The following CEP112 variants were observed in gnomAD, a reference collection of about 807,000 sequenced individuals.
The protein encoded by CEP112 is centrosomal protein of 112 kDa.
CEP112 carries 127 observed loss-of-function variants against 153.0 expected under a neutral mutation model. The ratio of observed to expected loss-of-function variants is 0.83; its 90% CI spans 0.72 to 0.96. CEP112 has a LOEUF of 0.96. Among genes scored for constraint, CEP112 ranks in the 40% least tolerant of loss-of-function variants. CEP112 has a pLI of 0.00. For synonymous variants in CEP112, 358 were observed against 374.4 expected (o/e 0.96, Z 0.51); for missense variants, 1,089 against 1,101.2 (o/e 0.99, Z 0.16).
rs989293596 is a variant in CEP112 at position 66,066,775 on chromosome 17, C to T, written c.955+3G>A. On this transcript the variant is annotated splice_donor_region_variant and intron_variant, in intron 10 of 26. Coordinates refer to ENST00000535342, the MANE Select transcript of CEP112 (RefSeq NM_001199165.4). ...AAAGATGTATGTAACAACACAACAT[C>T]ACCTTTCTTTTCAAGCTTTCTAATA... The T allele has an allele frequency of 3.3e-6, 5 of 1,507,342 alleles. No homozygotes were observed. Among genetic ancestry groups the T allele is most frequent in the Non-Finnish European group, 4.4e-6 (5 of 1,124,670 alleles). The allele number at this position is 1,507,342 out of a possible 1,614,324, so 93.4% of individuals were successfully genotyped here.
chr17:66,160,733 A>G (rs571403604), intron 4 of CEP112, among the ~76,000 whole-genome samples: 43 of 152,270 alleles, frequency 2.8e-4, no homozygotes, highest in African/African-American at 1.0e-3. Context: ...AACCATAAAA[A>G]CCCTAGAAGA....
chr17:65,967,376 T>TA (rs1209189882), intron 17 of CEP112, among the ~76,000 whole-genome samples: 1 of 152,240 alleles, frequency 6.6e-6, no homozygotes, highest in Non-Finnish European at 1.5e-5. Context: ...ATCAACTTTG[T>TA]AGCCTTTATT....
chr17:66,030,053 C>A, intron 12 of CEP112, 30 bp from the exon 13 acceptor site: 2 of 1,597,236 alleles, frequency 1.3e-6, no homozygotes, highest in South Asian at 2.3e-5. Context: ...TTAAGAAAGT[C>A]TCTGACTCAG....
chr17:65,934,636 C>A (rs773838953), intron 18 of CEP112, among the ~76,000 whole-genome samples: 1 of 152,154 alleles, frequency 6.6e-6, no homozygotes, highest in Admixed American at 6.5e-5. Flanking sequence ...ATGTTTCCTA[C>A]AAGAGACTCA....
chr17:65,726,539 G>C (rs1224452350), intron 23 of CEP112, among the ~76,000 whole-genome samples: 2 of 152,100 alleles, frequency 1.3e-5, no homozygotes, highest in Non-Finnish European at 2.9e-5. Context: ...TGGCTGGCAA[G>C]GTGCTTGTGG....
At position 66,035,543 on chromosome 17, in the gene CEP112, T is replaced by C. The variant is rs192620620; in HGVS notation, c.1219-5520A>G. Reference sequence around the variant, plus strand: ...TTATGGAGAACAGTATGGAGGCACCTCAAAAATTTAAAAATAGAACTACCA... The same window carrying C: ...TTATGGAGAACAGTATGGAGGCACCCCAAAAATTTAAAAATAGAACTACCA... On this transcript the variant is annotated intron_variant, in intron 12 of 26. Transcript: ENST00000535342. 3.5e-4 allele frequency among the ~76,000 whole-genome samples: 53 copies of C among 152,246 alleles called. No individual in the cohort carries two copies. The East Asian group carries it at 9.8e-3, about 28-fold the overall frequency.
At chr17:65,817,073 C>A (rs2056310811) in intron 21 of CEP112, among the ~76,000 whole-genome samples, 1 of 151,746 alleles carries the variant, frequency 6.6e-6, no homozygotes, top group South Asian at 2.1e-4. Flanking sequence ...TGTTACATAC[C>A]TTTGTTTTTT....
Position 65,953,647 on chromosome 17 carries a change from G to A in CEP112, c.1872+7816C>T, listed in dbSNP as rs111296825. Among the ~76,000 whole-genome samples, 1,295 of 144,164 alleles carry A rather than the reference G, an allele frequency of 9.0e-3. 21 individuals are homozygous for A. Among genetic ancestry groups the A allele is most frequent in the African/African-American group, 0.031 (1,227 of 39,994 alleles). The allele number at this position is 144,164 out of a possible 152,430, so 94.6% of individuals were successfully genotyped here. On this transcript the variant is annotated intron_variant, in intron 18 of 26. Coordinates refer to ENST00000535342, the MANE Select transcript of CEP112 (RefSeq NM_001199165.4). ...GAGTCAGACAGGCCTTCAGGACTGA[G>A]GGCTGTGTGGGAGCAGGGTGAGGCC...
At position 66,029,163 on chromosome 17, in the gene CEP112, A is replaced by G. The variant is rs1422990382; in HGVS notation, c.1463T>C (p.Ile488Thr). The change falls in exon 14 of 27, where the codon ATA becomes ACA. Residue 488 changes from isoleucine (I) to threonine (T), a missense_variant. Transcript: ENST00000535342. ...AGCATGTTCTTGTTTTAGAAGGTTT[A>G]TATCAGCATCATATTTGGTTTGTAA... ...KLLQTKYDADINLLKQEHALS... is the reference protein window; with the variant it reads ...KLLQTKYDADTNLLKQEHALS... 1 of 1,608,538 alleles carries G rather than the reference A, an allele frequency of 6.2e-7. No individual in the cohort carries two copies. The highest frequency in any genetic ancestry group is 8.5e-7 in the Non-Finnish European group (1 of 1,175,600).
At chr17:66,044,109 G>A (rs775749522) in intron 12 of CEP112, among the ~76,000 whole-genome samples, 1 of 152,052 alleles carries the variant, frequency 6.6e-6, no homozygotes, top group Non-Finnish European at 1.5e-5. Context: ...ATTAAAAATA[G>A]AATGAAAGTT....
At chr17:66,034,916 A>AG (rs2145772331) in intron 12 of CEP112, among the ~76,000 whole-genome samples, 1 of 148,442 alleles carries the variant, frequency 6.7e-6, no homozygotes, top group South Asian at 2.2e-4. Flanking sequence ...CTAATGCTTC[A>AG]GTCTCCCAAG....
At chr17:65,699,557 C>G (rs980283543) in intron 23 of CEP112, among the ~76,000 whole-genome samples, 3 of 152,172 alleles carry the variant, frequency 2.0e-5, no homozygotes, top group Admixed American at 2.0e-4. Flanking sequence ...AGTCCCTTCT[C>G]AGTGTCTACA....
intron 10 of CEP112, among the ~76,000 whole-genome samples, chr17:66,063,719 C>T (rs1050581325): frequency 6.6e-6 from 1 of 152,104 alleles, no homozygotes; most frequent in Non-Finnish European, 1.5e-5. Context: ...GGCTTACAAA[C>T]GTTCTACAGC....
rs142924087 is a variant in CEP112 at position 65,719,440 on chromosome 17, G to A, written c.2607+23628C>T. ...AAATTAAAAATACAAAAATTAGCCC[G>A]GCGTGGTGGTGGCCAGCTGTAATCC... is the stretch of plus-strand genomic sequence containing the variant. On this transcript the variant is annotated intron_variant, in intron 23 of 26. Transcript: ENST00000535342. Among the ~76,000 whole-genome samples the A allele has an allele frequency of 2.2e-3, 334 of 152,248 alleles. 1 individual carries two copies. The highest frequency in any genetic ancestry group is 7.7e-3 in the African/African-American group (320 of 41,542).
At chr17:66,017,908 G>C (rs1413207391) in intron 16 of CEP112, among the ~76,000 whole-genome samples, 3 of 151,750 alleles carry the variant, frequency 2.0e-5, no homozygotes, top group African/African-American at 7.3e-5. Context: ...GCTGAGGCAG[G>C]AGAATCTCTT....
intron 20 of CEP112, among the ~76,000 whole-genome samples, chr17:65,896,355 GTA>G (rs1175244093): frequency 9.9e-5 from 15 of 151,814 alleles, no homozygotes; most frequent in Admixed American, 9.2e-4. Flanking sequence ...TTAATCACAG[GTA>G]TATATACACT....
chr17:65,704,227 G>A (rs1344269387), intron 23 of CEP112, among the ~76,000 whole-genome samples: 5 of 152,064 alleles, frequency 3.3e-5, no homozygotes, highest in Non-Finnish European at 7.4e-5. Context: ...CCTCCCTAGA[G>A]CCTTCTGAGG....
At chr17:65,958,386 T>G (rs1401949582) in intron 18 of CEP112, among the ~76,000 whole-genome samples, 1 of 152,210 alleles carries the variant, frequency 6.6e-6, no homozygotes, top group Admixed American at 6.5e-5. Flanking sequence ...ATATGTAACA[T>G]GAATGGTGCA....
At chr17:66,115,891 C>A (rs2069266392) in intron 6 of CEP112, among the ~76,000 whole-genome samples, 1 of 152,174 alleles carries the variant, frequency 6.6e-6, no homozygotes, top group Admixed American at 6.5e-5. Context: ...GTTTCAGTAA[C>A]AATCTCAGCT....
Sources: allele counts gnomAD v4.1 joint callset (sites outside exome capture counted in the v4.1 genomes callset), GRCh38; gene constraint gnomAD v4.1.1; transcripts MANE v1.5; gene names NCBI Gene and HGNC (gene_info 2026-07-23, HGNC 2026-07-21).